Variants in ANKRD31 observed in about 807,000 individuals in gnomAD.
ANKRD31 encodes the protein ankyrin repeat domain-containing protein 31.
In ANKRD31, 147 loss-of-function variants were observed where a neutral mutation model predicts 186.0. The ratio of observed to expected loss-of-function variants is 0.79; its 90% CI spans 0.69 to 0.91. The LOEUF is 0.91. Ranked by LOEUF, ANKRD31 falls within the 40% of genes least tolerant of loss-of-function variation. The pLI, the probability that ANKRD31 is intolerant of heterozygous loss-of-function variation, is 0.00. For missense variants in ANKRD31, 1,986 were observed against 2,148.8 expected, an observed-to-expected ratio of 0.92 and a Z score of 1.50; for synonymous variants, 673 against 736.4, an observed-to-expected ratio of 0.91 and a Z score of 1.39.
chr5:75,068,329 T>A lies in ANKRD31; in HGVS notation c.*190A>T. On this transcript the variant is annotated 3_prime_UTR_variant, in exon 26 of 26. Coordinates refer to ENST00000506364, the MANE Select transcript of ANKRD31 (RefSeq NM_001372053.1). ...TAGTTCAAATGTGCCTTTATTTCAA[T>A]GGCAAAAAAGCATTAATCTTATATA... 1 of 494,032 alleles carries A rather than the reference T, an allele frequency of 2.0e-6. No individual in the cohort carries two copies. The highest frequency in any genetic ancestry group is 9.0e-5 in the South Asian group (1 of 11,136). The allele number at this position is 494,032 out of a possible 1,614,324, so 30.6% of individuals were successfully genotyped here.
intron 25 of ANKRD31, among the ~76,000 whole-genome samples, chr5:75,079,101 C>T (rs1744883553): frequency 1.3e-5 from 2 of 152,146 alleles, no homozygotes; most frequent in Non-Finnish European, 2.9e-5. Context: ...CTCTGGAGTC[C>T]ATCAATGCAT....
At chr5:75,093,787 C>G (rs1218348270) in intron 22 of ANKRD31, among the ~76,000 whole-genome samples, 1 of 152,072 alleles carries the variant, frequency 6.6e-6, no homozygotes, top group Non-Finnish European at 1.5e-5. Flanking sequence ...AATCCTATAT[C>G]TAGGAAAACG....
At chr5:75,139,664 A>C (rs1750863051) in intron 15 of ANKRD31, among the ~76,000 whole-genome samples, 2 of 152,286 alleles carry the variant, frequency 1.3e-5, no homozygotes, top group African/African-American at 4.8e-5. Context: ...GGGGATTAGA[A>C]AGTCAATGAT....
In ANKRD31 at chr5:75,148,625, T is replaced by C; in HGVS notation, c.1856A>G (p.Gln619Arg). The stretch of plus-strand genomic sequence containing the variant: ...GTCTAGTGGGTCAATGCTACTCCTT[T>C]GAGCTGTAAACAAAAAGAGAAAATC... ...PKHQKCLTSA[Q>R]RSSIDPLDIE... The change falls in exon 13 of 26, where the codon CAA becomes CGA. Residue 619 changes from glutamine to arginine, a missense_variant. Physicochemically the swap from Gln to Arg is conservative, Grantham distance 43. Coordinates refer to ENST00000506364, the MANE Select transcript of ANKRD31 (RefSeq NM_001372053.1). 3 of 1,521,820 alleles carry C rather than the reference T, an allele frequency of 2.0e-6. No homozygotes were observed. Among genetic ancestry groups the C allele is most frequent in the Non-Finnish European group, 2.6e-6 (3 of 1,138,774 alleles). The allele number at this position is 1,521,820 out of a possible 1,614,324, so 94.3% of individuals were successfully genotyped here. A position where few individuals can be genotyped will look rare whatever the true frequency, so the allele number is the denominator to read the frequency against.
chr5:75,213,922 A>G lies in ANKRD31; in HGVS notation c.289-3057T>C, dbSNP rs931644252. 2.6e-5 allele frequency among the ~76,000 whole-genome samples: 4 copies of G among 152,206 alleles called. No individual in the cohort carries two copies. In the South Asian group the frequency reaches 8.3e-4, roughly 32 times the overall value. ...GCCCAACCAATCCTGGCTCTCCATG[A>G]CACACTGAATGTCTCACACAAACTA... is the stretch of plus-strand genomic sequence containing the variant. On this transcript the variant is annotated intron_variant, in intron 3 of 25. Transcript: ENST00000506364.
chr5:75,169,482 T>C (rs1474444173), intron 10 of ANKRD31, among the ~76,000 whole-genome samples: 3 of 152,306 alleles, frequency 2.0e-5, no homozygotes, highest in South Asian at 4.1e-4. Flanking sequence ...GCTTTATTTC[T>C]AGTTCAAGGT....
At chr5:75,083,497 G>A (rs1470070534) in intron 24 of ANKRD31, among the ~76,000 whole-genome samples, 1 of 152,202 alleles carries the variant, frequency 6.6e-6, no homozygotes. Context: ...GGGAGGCTGA[G>A]GCGGGCAGAT....
chr5:75,182,667 C>T (rs1472870033), intron 10 of ANKRD31, among the ~76,000 whole-genome samples: 1 of 150,392 alleles, frequency 6.6e-6, no homozygotes, highest in Admixed American at 6.7e-5. Flanking sequence ...TTCAGTGAGC[C>T]GAGATAGCGC....
intron 19 of ANKRD31, among the ~76,000 whole-genome samples, chr5:75,113,493 A>G (rs1355421821): frequency 6.6e-6 from 1 of 152,138 alleles, no homozygotes; most frequent in Non-Finnish European, 1.5e-5. Context: ...TGTAGGCAGA[A>G]GCATGCCTTT....
chr5:75,200,631 G>T (rs1755761294), intron 5 of ANKRD31, among the ~76,000 whole-genome samples: 1 of 151,270 alleles, frequency 6.6e-6, no homozygotes. Flanking sequence ...CAAGTATTCT[G>T]GCCAGGCACA....
intron 22 of ANKRD31, among the ~76,000 whole-genome samples, chr5:75,093,892 AAAT>A (rs1746124181): frequency 6.6e-6 from 1 of 152,210 alleles, no homozygotes; most frequent in Non-Finnish European, 1.5e-5. Flanking sequence ...GCCTTACAAG[AAAT>A]AATAAAGGAA....
In ANKRD31 at chr5:75,195,945, G is replaced by A; in HGVS notation, c.703C>T (p.Gln235Ter). 1 of 1,534,036 alleles carries A rather than the reference G, an allele frequency of 6.5e-7. No homozygotes were observed. The highest frequency in any genetic ancestry group is 8.7e-7 in the Non-Finnish European group (1 of 1,145,234). ...ACTAATTCAAACAATCTTTCCTCCT[G>A]GGTGCTTTCTGGTGATGTAAGTAAA... ...ESLLTSPEST[Q>*]EERLFELVSD... The change falls in exon 7 of 26, where the codon CAG becomes TAG. Residue 235 changes from glutamine to a stop codon, truncating the protein, a stop_gained. Transcript: ENST00000506364. LOFTEE classifies it high-confidence loss of function.
chr5:75,163,152 T>C (rs1028995771), intron 11 of ANKRD31, among the ~76,000 whole-genome samples: 12 of 152,246 alleles, frequency 7.9e-5, no homozygotes, highest in Non-Finnish European at 1.8e-4. Context: ...AGAGAAAGAA[T>C]ACTGTCTTTT....
At chr5:75,174,301 T>C (rs1047438417) in intron 10 of ANKRD31, among the ~76,000 whole-genome samples, 3 of 152,136 alleles carry the variant, frequency 2.0e-5, no homozygotes, top group Non-Finnish European at 4.4e-5. Flanking sequence ...GGCAATACCA[T>C]TCAGGACATA....
chr5:75,103,623 G>A (rs1177996350), intron 22 of ANKRD31, among the ~76,000 whole-genome samples: 1 of 152,158 alleles, frequency 6.6e-6, no homozygotes, highest in Non-Finnish European at 1.5e-5. Flanking sequence ...TGATAGACCA[G>A]ATAAAGAAAA....
intron 10 of ANKRD31, among the ~76,000 whole-genome samples, chr5:75,175,171 T>C (rs142510829): frequency 0.024 from 3,658 of 152,224 alleles, 139 homozygotes; most frequent in African/African-American, 0.083. Flanking sequence ...TAGGTGGGAA[T>C]TGAACAATGA....
At chr5:75,181,445 T>C (rs1282212744) in intron 10 of ANKRD31, among the ~76,000 whole-genome samples, 3 of 152,132 alleles carry the variant, frequency 2.0e-5, no homozygotes, top group South Asian at 2.1e-4. Flanking sequence ...CGTACGTTTA[T>C]TGCGGCACTA....
intron 15 of ANKRD31, among the ~76,000 whole-genome samples, chr5:75,141,470 C>T (rs1751042972): frequency 6.6e-6 from 1 of 152,032 alleles, no homozygotes; most frequent in Non-Finnish European, 1.5e-5. Context: ...CAGTGCCTCA[C>T]ACTTGTAATC....
chr5:75,153,315 G>A (rs1045288533), intron 12 of ANKRD31, among the ~76,000 whole-genome samples: 2 of 152,116 alleles, frequency 1.3e-5, no homozygotes, highest in African/African-American at 4.8e-5. Context: ...GAAGCTGTGT[G>A]AGATAAAACA....
Sources: gnomAD v4.1 joint callset for allele counts (sites outside exome capture counted in the v4.1 genomes callset) on GRCh38, gnomAD v4.1.1 for gene constraint, MANE v1.5 for transcripts, NCBI Gene and HGNC (gene_info 2026-07-23, HGNC 2026-07-21) for gene names.